Variants in ESR1 observed in about 807,000 individuals in gnomAD.
The protein encoded by ESR1 is estrogen receptor.
In ESR1, 12 loss-of-function variants were observed where a neutral mutation model predicts 52.7. The ratio of observed to expected loss-of-function variants is 0.23; its 90% confidence interval spans 0.15 to 0.37. The LOEUF is 0.37. Among genes scored for constraint, ESR1 ranks in the 10% least tolerant of loss-of-function variants. The pLI, the probability that ESR1 is intolerant of heterozygous loss-of-function variation, is 1.00. For synonymous variants in ESR1, 305 were observed against 316.8 expected, an observed-to-expected ratio of 0.96 and a Z score of 0.39; for missense variants, 584 against 779.7, an observed-to-expected ratio of 0.75 and a Z score of 2.99.
At position 151,785,368 on chromosome 6, in the gene ESR1, A is replaced by G. The variant is rs566250906; in HGVS notation, c.-70-22475A>G. Reference sequence around the variant, plus strand: ...AGTTCTGCCAAGAATTTATACTTCTACAATTTCCCAGATGATATTGATGCT... The same window carrying G: ...AGTTCTGCCAAGAATTTATACTTCTGCAATTTCCCAGATGATATTGATGCT... On this transcript the variant is annotated intron_variant, in intron 2 of 2. Transcript: ENST00000404742. 7.2e-5 allele frequency among the ~76,000 whole-genome samples: 11 copies of G among 152,344 alleles called. No individual in the cohort carries two copies. The East Asian group carries it at 2.1e-3, about 29-fold the overall frequency.
chr6:151,899,933 G>T (rs1796415607), intron 3 of ESR1, among the ~76,000 whole-genome samples: 2 of 149,792 alleles, frequency 1.3e-5, no homozygotes, highest in South Asian at 4.3e-4. Flanking sequence ...AGGCAGAGGG[G>T]CTCCTCACAT....
chr6:152,042,178 C>T (rs1390618146), intron 5 of ESR1, among the ~76,000 whole-genome samples: 2 of 152,222 alleles, frequency 1.3e-5, no homozygotes, highest in East Asian at 3.9e-4. Flanking sequence ...TTGGCCTTTC[C>T]CACCATAATA....
intron 6 of ESR1, among the ~76,000 whole-genome samples, chr6:152,074,687 A>G (rs2048595139): frequency 1.3e-5 from 2 of 152,214 alleles, no homozygotes; most frequent in Non-Finnish European, 1.5e-5. Context: ...AAGTGGCTGT[A>G]CCATTTTCCA....
chr6:151,741,435 A>C (rs1209127433), intron 2 of ESR1, among the ~76,000 whole-genome samples: 1 of 152,160 alleles, frequency 6.6e-6, no homozygotes, highest in Non-Finnish European at 1.5e-5. Flanking sequence ...GAGCCCAAAA[A>C]ATAATAGTCA....
chr6:152,067,169 T>C (rs893071159), intron 6 of ESR1, among the ~76,000 whole-genome samples: 1 of 152,230 alleles, frequency 6.6e-6, no homozygotes, highest in African/African-American at 2.4e-5. Flanking sequence ...GTTCTGTGAA[T>C]AGAATCATCT....
intron 1 of ESR1, among the ~76,000 whole-genome samples, chr6:151,836,666 C>T (rs1783383135): frequency 1.3e-5 from 2 of 152,132 alleles, no homozygotes; most frequent in Admixed American, 6.5e-5. Context: ...GGAACATACA[C>T]TTGTCAATAA....
intron 2 of ESR1, among the ~76,000 whole-genome samples, chr6:151,792,937 G>A (rs1334338453): frequency 3.9e-5 from 6 of 152,050 alleles, no homozygotes; most frequent in East Asian, 1.9e-4. Context: ...TTGGGAGGCC[G>A]AGGCGGGCAG....
intron 1 of ESR1, among the ~76,000 whole-genome samples, chr6:151,691,308 A>G (rs1324703191): frequency 1.3e-5 from 2 of 152,152 alleles, no homozygotes; most frequent in Admixed American, 6.5e-5. Context: ...CACATACATA[A>G]TGACTCCACC....
intron 6 of ESR1, among the ~76,000 whole-genome samples, chr6:152,065,425 A>C (rs2128971696): frequency 6.6e-6 from 1 of 152,336 alleles, no homozygotes; most frequent in Non-Finnish European, 1.5e-5. Context: ...TTTCAGTGAA[A>C]GTTCCTCAAG....
intron 4 of ESR1, among the ~76,000 whole-genome samples, chr6:151,966,757 TAGAA>T (rs2038315388): frequency 6.6e-6 from 1 of 152,198 alleles, no homozygotes; most frequent in Non-Finnish European, 1.5e-5. Flanking sequence ...CTGCAATATT[TAGAA>T]AGAGCACACC....
intron 4 of ESR1, among the ~76,000 whole-genome samples, chr6:151,948,100 A>G (rs183166477): frequency 6.6e-6 from 1 of 152,310 alleles, no homozygotes; most frequent in Non-Finnish European, 1.5e-5. Flanking sequence ...TGAAGGTTAA[A>G]AAGGAAAAAA....
intron 6 of ESR1, among the ~76,000 whole-genome samples, chr6:152,082,228 A>T (rs571185745): frequency 1.3e-5 from 2 of 152,320 alleles, no homozygotes; most frequent in South Asian, 4.1e-4. Context: ...ATACTGGCAA[A>T]CCAAATCCAG....
chr6:151,884,498 A>G (rs539486482), intron 3 of ESR1, among the ~76,000 whole-genome samples: 1 of 152,362 alleles, frequency 6.6e-6, no homozygotes, highest in African/African-American at 2.4e-5. Flanking sequence ...TGAAATAAAA[A>G]GTTTAGTTTC....
intron 6 of ESR1, among the ~76,000 whole-genome samples, chr6:152,088,575 A>G (rs2049930385): frequency 6.6e-6 from 1 of 152,174 alleles, no homozygotes; most frequent in African/African-American, 2.4e-5. Context: ...TAATGGATCA[A>G]TGAGTTATCC....
At chr6:151,872,104 G>A (rs573800154) in intron 2 of ESR1, among the ~76,000 whole-genome samples, 2 of 152,236 alleles carry the variant, frequency 1.3e-5, no homozygotes, top group African/African-American at 2.4e-5. Flanking sequence ...ACCTCAAAGC[G>A]GAATTGTTGG....
In ESR1 at chr6:152,102,769, C is replaced by CT. The variant is rs1240396879; in HGVS notation, c.*3811dup. The CT allele has an allele frequency of 8.2e-5, 18 of 219,484 alleles. No homozygotes were observed. The highest frequency in any genetic ancestry group is 1.1e-4 in the Non-Finnish European group (12 of 109,276). The allele number at this position is 219,484 out of a possible 1,614,324, so 13.6% of individuals were successfully genotyped here. A position where few individuals can be genotyped will look rare whatever the true frequency, so the allele number is the denominator to read the frequency against. On this transcript the variant is annotated 3_prime_UTR_variant, in exon 8 of 8. Coordinates refer to ENST00000206249, the MANE Select transcript of ESR1 (RefSeq NM_000125.4). ...TTGAGATTCAAGAAAAATTTCTATTCTTTTTTTTGCATCCAATTGTGCCTG... is the reference window on the plus strand; with the variant it reads ...TTGAGATTCAAGAAAAATTTCTATTCTTTTTTTTTGCATCCAATTGTGCCTG...
At chr6:151,714,235 T>A (rs1338035238) in intron 2 of ESR1, among the ~76,000 whole-genome samples, 1 of 152,220 alleles carries the variant, frequency 6.6e-6, no homozygotes, top group Non-Finnish European at 1.5e-5. Context: ...TTGCATTTGC[T>A]GAGGAGTGTT....
intron 3 of ESR1, among the ~76,000 whole-genome samples, chr6:151,942,859 T>C (rs1004765715): frequency 2.6e-5 from 4 of 152,220 alleles, no homozygotes; most frequent in Non-Finnish European, 5.9e-5. Context: ...CTAAGAATTA[T>C]GCTGTCTGAT....
At chr6:151,998,298 T>G (rs1312445990) in intron 4 of ESR1, among the ~76,000 whole-genome samples, 2 of 152,152 alleles carry the variant, frequency 1.3e-5, no homozygotes, top group Non-Finnish European at 2.9e-5. Flanking sequence ...TAGCCTCAAA[T>G]ATAATGAGGC....
Sources: allele counts gnomAD v4.1 joint callset (sites outside exome capture counted in the v4.1 genomes callset), GRCh38; gene constraint gnomAD v4.1.1; transcripts MANE v1.5; gene names NCBI Gene and HGNC (gene_info 2026-07-23, HGNC 2026-07-21).